Variants in ASNS observed in about 807,000 individuals in gnomAD.
ASNS encodes asparagine synthetase [glutamine-hydrolyzing].
Under a neutral mutation model 62.6 loss-of-function variants are expected in ASNS, and 37 were observed. That is an observed-to-expected ratio of 0.59 (90% CI 0.45 to 0.78). The LOEUF is 0.78. ASNS is among the 30% of genes least tolerant of loss of function. The pLI, the probability that ASNS is intolerant of heterozygous loss-of-function variation, is 0.00. For synonymous variants in ASNS, 207 were observed against 237.9 expected (o/e 0.87, Z 1.19); for missense variants, 520 against 682.4 (o/e 0.76, Z 2.65).
chr7:97,896,436 A>C, the ASNS span, among the ~76,000 whole-genome samples: 1 of 149,622 alleles, frequency 6.7e-6, no homozygotes, highest in African/African-American at 2.4e-5. Flanking sequence ...AAAAAAAAAA[A>C]ACAAAAAATT....
intron 4 of ASNS, among the ~76,000 whole-genome samples, chr7:97,862,901 C>G (rs1377626617): frequency 6.6e-6 from 1 of 152,116 alleles, no homozygotes; most frequent in Admixed American, 6.5e-5. Flanking sequence ...AGATAAGATG[C>G]TGGACATCAC....
chr7:97,926,934 G>A, the ASNS span, among the ~76,000 whole-genome samples: 4 of 150,072 alleles, frequency 2.7e-5, no homozygotes, highest in Admixed American at 2.0e-4. Flanking sequence ...TGCTTGAAAC[G>A]GTCTCACTTT....
intron 3 of ASNS, 73 bp downstream of exon 3, chr7:97,868,835 A>G: frequency 6.3e-7 from 1 of 1,580,284 alleles, no homozygotes; most frequent in South Asian, 1.2e-5. Context: ...ATGATACAGA[A>G]TATGTAACAT....
the ASNS span, chr7:97,885,762 G>C: frequency 4.1e-6 from 1 of 241,180 alleles, no homozygotes; most frequent in Non-Finnish European, 8.2e-6. Flanking sequence ...CAAAATACCA[G>C]GTCAACATGT....
At chr7:97,889,927 C>CAAAAAAAAAAAAAAAAAA in the ASNS span, among the ~76,000 whole-genome samples, 46 of 38,564 alleles carry the variant, frequency 1.2e-3, no homozygotes, top group South Asian at 3.2e-3. Context: ...ATAATGAATA[C>CAAAAAAAAAAAAAAAAAA]AAAAAAAAAA....
At chr7:97,855,740 C>CT (rs752587506) in intron 8 of ASNS, among the ~76,000 whole-genome samples, 9 of 152,144 alleles carry the variant, frequency 5.9e-5, no homozygotes, top group Non-Finnish European at 1.2e-4. Flanking sequence ...CACCTCAAAA[C>CT]TTTGCTAAGC....
upstream of ASNS, among the ~76,000 whole-genome samples, chr7:97,876,849 C>A (rs553102350): frequency 1.3e-5 from 2 of 152,008 alleles, no homozygotes; most frequent in Non-Finnish European, 2.9e-5. Flanking sequence ...AGGAAGGCAT[C>A]GAGAGAGGGG....
chr7:97,853,169 T>G lies in ASNS; in HGVS notation c.1367A>C (p.Asn456Thr). ...CCAGAGAATCTCTTTGGGTATCAGA[T>G]TGGAATCCTCAAACGTCTCTCTCAG... ...HLLRETFEDS[N>T]LIPKEILWRP... Residue 456 changes from asparagine (N) to threonine (T), a missense_variant, in exon 12 of 13, where the codon AAT becomes ACT. Asn to Thr is a moderately conservative substitution (Grantham distance 65, BLOSUM62 0). Coordinates refer to ENST00000394308, the MANE Select transcript of ASNS (RefSeq NM_001673.5). 1 of 1,611,760 alleles carries G rather than the reference T, an allele frequency of 6.2e-7. No homozygotes were observed.
the ASNS span, among the ~76,000 whole-genome samples, chr7:97,883,166 T>C: frequency 6.6e-6 from 1 of 152,200 alleles, no homozygotes; most frequent in South Asian, 2.1e-4. Context: ...GCATTCTGCA[T>C]TTCTCATTAA....
chr7:97,869,099 T>C lies in ASNS; in HGVS notation c.58A>G (p.Ser20Gly), dbSNP rs1792124597. The C allele has an allele frequency of 6.2e-7, 1 of 1,614,070 alleles. No homozygotes were observed. Among genetic ancestry groups the C allele is most frequent in the African/African-American group, 1.3e-5 (1 of 74,916 alleles). Residue 20 changes from serine (S) to glycine (G), a missense_variant, in exon 3 of 13, where the codon AGT becomes GGT. By Grantham distance (56) the Ser-to-Gly change is moderately conservative. Transcript: ENST00000394308. ...CCTCTGTGTGCAATCTTCATAGCAC[T>C]CAGACACTGAACAGAAAGGCAATCA... ...SDDCLSVQCL[S>G]AMKIAHRGPD...
At chr7:97,881,808 CTGTT>C in the ASNS span, among the ~76,000 whole-genome samples, 10 of 152,082 alleles carry the variant, frequency 6.6e-5, no homozygotes, top group Admixed American at 6.6e-5. Context: ...TTGAAGATGA[CTGTT>C]TGTGGATGCC....
the ASNS span, among the ~76,000 whole-genome samples, chr7:97,904,499 G>T: frequency 6.6e-6 from 1 of 152,072 alleles, no homozygotes; most frequent in Non-Finnish European, 1.5e-5. Context: ...TAAGGTTAAT[G>T]GGGGTTGCAA....
intron 1 of ASNS, among the ~76,000 whole-genome samples, chr7:97,870,506 C>G (rs891594454): frequency 6.6e-6 from 1 of 152,064 alleles, no homozygotes; most frequent in Admixed American, 6.6e-5. Flanking sequence ...CTGGCTTTTC[C>G]GGAAAACCAG....
intron 10 of ASNS, 138 bp downstream of exon 10, chr7:97,854,442 G>T: frequency 9.7e-7 from 1 of 1,035,134 alleles, no homozygotes; most frequent in Non-Finnish European, 1.4e-6. Flanking sequence ...GTCACACTTT[G>T]TAACATATAG....
At chr7:97,895,606 C>T in the ASNS span, among the ~76,000 whole-genome samples, 1 of 152,050 alleles carries the variant, frequency 6.6e-6, no homozygotes, top group Non-Finnish European at 1.5e-5. Context: ...CCAGCGTGGC[C>T]AACATGGTGA....
chr7:97,866,518 C>T (rs1484467240), intron 3 of ASNS, among the ~76,000 whole-genome samples: 1 of 152,216 alleles, frequency 6.6e-6, no homozygotes, highest in African/African-American at 2.4e-5. Context: ...CAACGGCAAA[C>T]TATGAGCCAT....
At chr7:97,884,984 C>T in the ASNS span, among the ~76,000 whole-genome samples, 6 of 151,994 alleles carry the variant, frequency 3.9e-5, no homozygotes, top group Non-Finnish European at 7.4e-5. Context: ...CTGCAACCTC[C>T]GCCTCCCGGG....
At chr7:97,865,802 G>T (rs532696572) in intron 3 of ASNS, among the ~76,000 whole-genome samples, 7 of 152,268 alleles carry the variant, frequency 4.6e-5, no homozygotes, top group African/African-American at 1.4e-4. Context: ...TGCCAATGGC[G>T]TATCCAGCTT....
the ASNS span, chr7:97,928,066 C>G: frequency 6.8e-7 from 1 of 1,469,808 alleles, no homozygotes; most frequent in Non-Finnish European, 9.2e-7. Flanking sequence ...CGGACCCCCG[C>G]GCCCGCGTCA....
Sources: allele counts gnomAD v4.1 joint callset (sites outside exome capture counted in the v4.1 genomes callset), GRCh38; gene constraint gnomAD v4.1.1; transcripts MANE v1.5; gene names NCBI Gene and HGNC (gene_info 2026-07-23, HGNC 2026-07-21).